SLC10A7: variants seen among roughly 807,000 people sequenced by gnomAD.
SLC10A7 encodes the protein solute carrier family 10 member 7, also known as sodium/bile acid cotransporter 7.
Under a neutral mutation model 43.2 loss-of-function variants are expected in SLC10A7, and 29 were observed. That is an observed-to-expected ratio of 0.67 (90% confidence interval 0.50 to 0.92). The LOEUF (loss-of-function observed/expected upper bound fraction) is 0.92. SLC10A7 is among the 40% of genes least tolerant of loss of function. SLC10A7 has a pLI of 0.00. For missense variants in SLC10A7, 295 were observed against 403.2 expected (o/e 0.73, Z 2.30); for synonymous variants, 152 against 144.8 (o/e 1.05, Z -0.35).
intron 5 of SLC10A7, among the ~76,000 whole-genome samples, chr4:146,427,654 A>G (rs1432191792): frequency 1.3e-5 from 2 of 152,200 alleles, no homozygotes; most frequent in Non-Finnish European, 2.9e-5. Flanking sequence ...TTAGTTTAAA[A>G]AGGTAGAAAT....
intron 4 of SLC10A7, among the ~76,000 whole-genome samples, chr4:146,496,080 T>C (rs1272264105): frequency 2.6e-5 from 4 of 152,232 alleles, no homozygotes; most frequent in Non-Finnish European, 5.9e-5. Flanking sequence ...CACAGCTGGG[T>C]GGAGCTGACC....
chr4:146,452,513 C>T (rs1731681571), intron 4 of SLC10A7, among the ~76,000 whole-genome samples: 1 of 151,824 alleles, frequency 6.6e-6, no homozygotes, highest in South Asian at 2.1e-4. Flanking sequence ...TATAAAAAGT[C>T]AAAAAAATAA....
rs1198436739 is a variant in SLC10A7 at position 146,305,962 on chromosome 4, A to T, written c.519T>A (p.Leu173=). The change falls in exon 7 of 12, where the codon CTT becomes CTA. Residue 173 remains leucine (L), a synonymous_variant. Coordinates refer to ENST00000335472, the MANE Select transcript of SLC10A7 (RefSeq NM_001029998.6). ...TGAGAGGAACCACAACAGTCATAAA[A>T]AGCTGAGAAAAAATAGATGTGAAAG... is the stretch of plus-strand genomic sequence containing the variant. ...SVPFTSIFSQ[L]FMTVVVPLII... is the part of the protein sequence containing the mutation. The T allele has an allele frequency of 6.2e-7, 1 of 1,610,786 alleles. No homozygotes were observed. Among genetic ancestry groups the T allele is most frequent in the Admixed American group, 1.7e-5 (1 of 59,300 alleles).
chr4:146,273,349 T>G (rs895722785), intron 10 of SLC10A7, among the ~76,000 whole-genome samples: 3 of 152,218 alleles, frequency 2.0e-5, no homozygotes, highest in Non-Finnish European at 2.9e-5. Context: ...TAGGTACATC[T>G]AGAGGGCTGG....
At chr4:146,516,068 A>G (rs1441684280) in intron 2 of SLC10A7, among the ~76,000 whole-genome samples, 1 of 152,174 alleles carries the variant, frequency 6.6e-6, no homozygotes, top group Non-Finnish European at 1.5e-5. Flanking sequence ...AATCACACTT[A>G]AAATAAATAA....
rs1560736571 is a variant in SLC10A7 at position 146,255,781 on chromosome 4, C to T, written c.*710G>A. The T allele has an allele frequency of 1.3e-5, 2 of 151,942 alleles. No individual in the cohort carries two copies. The highest frequency in any genetic ancestry group is 2.9e-5 in the Non-Finnish European group (2 of 67,986). 9.4% of individuals were successfully genotyped at this position (151,942 alleles called of 1,614,324 possible). On this transcript the variant is annotated 3_prime_UTR_variant, in exon 12 of 12. Transcript: ENST00000335472. The stretch of plus-strand genomic sequence containing the variant: ...AGATATTAAGATATATTTTAAAGAC[C>T]CTGAAAATCAAATCACAGAGTTTAA...
intron 5 of SLC10A7, among the ~76,000 whole-genome samples, chr4:146,424,435 C>A (rs570568052): frequency 6.6e-6 from 1 of 152,036 alleles, no homozygotes; most frequent in Non-Finnish European, 1.5e-5. Flanking sequence ...CCAAGGCAGG[C>A]GGACCACCTG....
intron 7 of SLC10A7, among the ~76,000 whole-genome samples, chr4:146,299,815 G>A (rs1731039808): frequency 6.6e-6 from 1 of 152,176 alleles, no homozygotes; most frequent in East Asian, 1.9e-4. Context: ...AACACAAGAT[G>A]AGACCAATGT....
At chr4:146,355,936 G>A (rs921565442) in intron 5 of SLC10A7, among the ~76,000 whole-genome samples, 3 of 150,554 alleles carry the variant, frequency 2.0e-5, no homozygotes, top group Admixed American at 2.0e-4. Context: ...CATACCTAAT[G>A]CTAGATGACG....
chr4:146,357,462 A>C (rs753734645), intron 5 of SLC10A7, among the ~76,000 whole-genome samples: 1 of 152,244 alleles, frequency 6.6e-6, no homozygotes, highest in Non-Finnish European at 1.5e-5. Context: ...CTTTCCATTC[A>C]GGAATGCCTC....
chr4:146,445,812 C>T (rs1731004372), intron 4 of SLC10A7, among the ~76,000 whole-genome samples: 1 of 152,010 alleles, frequency 6.6e-6, no homozygotes, highest in South Asian at 2.1e-4. Flanking sequence ...TAATCGAACT[C>T]CTCTCTGACC....
intron 5 of SLC10A7, among the ~76,000 whole-genome samples, chr4:146,334,280 A>G (rs1733732365): frequency 6.6e-6 from 1 of 152,246 alleles, no homozygotes; most frequent in Non-Finnish European, 1.5e-5. Flanking sequence ...TCCTCAGCAT[A>G]TAGCTTGGTG....
intron 5 of SLC10A7, among the ~76,000 whole-genome samples, chr4:146,356,043 A>ATAT (rs1560829792): frequency 7.9e-5 from 6 of 76,106 alleles, no homozygotes; most frequent in African/African-American, 2.6e-4. Flanking sequence ...GTATAATAAA[A>ATAT]AAAAAAAAAT....
At chr4:146,261,675 C>T (rs1578729594) in intron 10 of SLC10A7, among the ~76,000 whole-genome samples, 1 of 152,142 alleles carries the variant, frequency 6.6e-6, no homozygotes, top group Non-Finnish European at 1.5e-5. Context: ...AGGAATTTCC[C>T]CCTACCACTT....
At chr4:146,515,252 A>C in intron 2 of SLC10A7, 1 of 682,648 alleles carries the variant, frequency 1.5e-6, no homozygotes, top group Non-Finnish European at 2.7e-6. Flanking sequence ...GCAACGCCCC[A>C]AGTAAAGGAC....
At chr4:146,325,837 T>G (rs1272962558) in intron 6 of SLC10A7, 124 bp downstream of exon 6, 2 of 865,706 alleles carry the variant, frequency 2.3e-6, no homozygotes, top group Non-Finnish European at 3.7e-6. Flanking sequence ...ACAGCTAAAC[T>G]GGAACAACAA....
intron 5 of SLC10A7, among the ~76,000 whole-genome samples, chr4:146,386,053 T>G (rs1043089967): frequency 1.3e-5 from 2 of 152,220 alleles, no homozygotes; most frequent in African/African-American, 4.8e-5. Flanking sequence ...TATGAGTCCA[T>G]GTCTTTTTGG....
At chr4:146,482,953 GA>G (rs143319203) in intron 4 of SLC10A7, among the ~76,000 whole-genome samples, 9 of 147,772 alleles carry the variant, frequency 6.1e-5, no homozygotes, top group Admixed American at 4.0e-4. Flanking sequence ...AGTACTGAAA[GA>G]AAAAAAAAAC....
chr4:146,512,301 A>G (rs1042144015), intron 2 of SLC10A7, among the ~76,000 whole-genome samples: 2 of 152,154 alleles, frequency 1.3e-5, no homozygotes, highest in African/African-American at 4.8e-5. Context: ...GGAATAAAAA[A>G]TGGCATAACT....
Sources: gnomAD v4.1 joint callset for allele counts (sites outside exome capture counted in the v4.1 genomes callset) on GRCh38, gnomAD v4.1.1 for gene constraint, MANE v1.5 for transcripts, NCBI Gene and HGNC (gene_info 2026-07-23, HGNC 2026-07-21) for gene names.